Variants in TNRC18 observed in about 807,000 individuals in gnomAD.
TNRC18 encodes trinucleotide repeat containing 18.
Under a neutral mutation model 226.7 loss-of-function variants are expected in TNRC18, and 69 were observed. The ratio of observed to expected loss-of-function variants is 0.30; its 90% confidence interval spans 0.25 to 0.37. The LOEUF is 0.37. Ranked by LOEUF, TNRC18 falls within the 10% of genes least tolerant of loss-of-function variation. The pLI, the probability that TNRC18 is intolerant of heterozygous loss-of-function variation, is 1.00. For missense variants in TNRC18, 4,754 were observed against 4,256.6 expected, an observed-to-expected ratio of 1.12 and a Z score of -3.25; for synonymous variants, 2,449 against 1,927.6, an observed-to-expected ratio of 1.27 and a Z score of -7.09.
At chr7:5,325,551 GTAGCTGGGA>G in intron 19 of TNRC18, 1 of 323,286 alleles carries the variant, frequency 3.1e-6, no homozygotes, top group Non-Finnish European at 5.7e-6. Context: ...AGCCTCCCGA[GTAGCTGGGA>G]CTACAGGCAC....
chr7:5,370,321 A>G, intron 11 of TNRC18, 54 bp downstream of exon 11: 2 of 1,494,908 alleles, frequency 1.3e-6, no homozygotes, highest in South Asian at 2.6e-5. Context: ...AGACCCCATC[A>G]CCACAAAACT....
intron 2 of TNRC18, chr7:5,407,311 C>T (rs1306339729): frequency 2.0e-5 from 3 of 152,476 alleles, no homozygotes; most frequent in Admixed American, 6.5e-5. Flanking sequence ...GCAGTAGCCA[C>T]CAGCCCAGAT....
intron 18 of TNRC18, among the ~76,000 whole-genome samples, chr7:5,337,464 A>G (rs1462966059): frequency 6.9e-6 from 1 of 145,436 alleles, no homozygotes; most frequent in Non-Finnish European, 1.5e-5. Flanking sequence ...AGCCTGGGTG[A>G]CAGAGTGAGA....
intron 24 of TNRC18, among the ~76,000 whole-genome samples, chr7:5,316,746 G>A (rs998678223): frequency 2.0e-5 from 3 of 152,220 alleles, no homozygotes; most frequent in African/African-American, 7.2e-5. Context: ...GTGGGAGACC[G>A]TGGCATTTCC....
Position 5,329,721 on chromosome 7 carries a change from T to A in TNRC18, c.6147+2901A>T, listed in dbSNP as rs924565429. 2.0e-5 allele frequency among the ~76,000 whole-genome samples: 3 copies of A among 148,110 alleles called. No individual in the cohort carries two copies. In the East Asian group the frequency reaches 5.9e-4, roughly 29 times the overall value. On this transcript the variant is annotated intron_variant, in intron 19 of 29. Transcript: ENST00000430969. ...AAAAAAAAAAAAGGATAGCTATCTGTCCAAGGTTACAGCAGGGAATGATCA... is the reference window on the plus strand; with the variant it reads ...AAAAAAAAAAAAGGATAGCTATCTGACCAAGGTTACAGCAGGGAATGATCA...
intron 3 of TNRC18, 26 bp from the exon 4 acceptor site, chr7:5,390,654 G>T (rs202001735): frequency 1.1e-4 from 169 of 1,493,720 alleles, no homozygotes; most frequent in Non-Finnish European, 9.8e-6. Flanking sequence ...GAAAAGCTGG[G>T]CTGGGCCAAT....
chr7:5,416,180 C>A (rs1291221555), intron 2 of TNRC18, among the ~76,000 whole-genome samples: 1 of 150,750 alleles, frequency 6.6e-6, no homozygotes, highest in Non-Finnish European at 1.5e-5. Flanking sequence ...TTTGGGAGGC[C>A]GAGGCGGGTG....
At chr7:5,375,324 A>C (rs910837597) in intron 9 of TNRC18, among the ~76,000 whole-genome samples, 2 of 151,434 alleles carry the variant, frequency 1.3e-5, no homozygotes, top group African/African-American at 2.4e-5. Context: ...AACAACAAAA[A>C]CAAACAAACA....
At chr7:5,316,697 C>T (rs116381194) in intron 24 of TNRC18, among the ~76,000 whole-genome samples, 314 of 152,280 alleles carry the variant, frequency 2.1e-3, no homozygotes, top group African/African-American at 6.5e-3. Flanking sequence ...CAGGTGTCAA[C>T]CCTGAAGGAC....
At chr7:5,356,243 G>C (rs1016906724) in intron 16 of TNRC18, among the ~76,000 whole-genome samples, 1 of 151,446 alleles carries the variant, frequency 6.6e-6, no homozygotes. Flanking sequence ...TAGGTGGGTC[G>C]GGCCGAACCA....
intron 5 of TNRC18, among the ~76,000 whole-genome samples, chr7:5,383,102 A>G (rs1779512849): frequency 6.6e-6 from 1 of 151,760 alleles, no homozygotes. Context: ...GGGTTTCACT[A>G]TGTTGCCTAG....
At chr7:5,325,918 G>C (rs1470906437) in intron 19 of TNRC18, among the ~76,000 whole-genome samples, 9 of 151,248 alleles carry the variant, frequency 6.0e-5, no homozygotes, top group Non-Finnish European at 1.2e-4. Flanking sequence ...TATTTTTTTA[G>C]AGACAGGGTC....
intron 29 of TNRC18, 31 bp downstream of exon 29, chr7:5,308,843 AC>A: frequency 1.2e-6 from 1 of 835,958 alleles, no homozygotes; most frequent in Non-Finnish European, 1.9e-6. Flanking sequence ...GCCATCCCCA[AC>A]CCGCCCACCA....
intron 3 of TNRC18, 97 bp from the exon 4 acceptor site, chr7:5,390,725 C>T: frequency 7.2e-7 from 1 of 1,389,616 alleles, no homozygotes. Flanking sequence ...TGGCAGCCGA[C>T]CGCTGGTACA....
Position 5,389,074 on chromosome 7 carries a change from G to A in TNRC18, c.750C>T (p.Arg250=), listed in dbSNP as rs1247636425. 2 of 1,280,238 alleles carry A rather than the reference G, an allele frequency of 1.6e-6. No homozygotes were observed. The allele number at this position is 1,280,238 out of a possible 1,614,324, so 79.3% of individuals were successfully genotyped here. Residue 250 remains arginine (R), a synonymous_variant, in exon 5 of 30, where the codon CGC becomes CGT. Transcript: ENST00000430969. ...CCAGGCGCGGGGGCCCCCGGTCCTG[G>A]CGGCCCTCGGCGCGCGCCTCCTGGG... is the stretch of plus-strand genomic sequence containing the variant. ...DLTQEARAEG[R]QDRGPPRLAE...
At position 5,376,234 on chromosome 7, in the gene TNRC18, CAG is replaced by C. The variant is rs1197218458; in HGVS notation, c.2609-12_2609-11del. The C allele has an allele frequency of 2.7e-6, 4 of 1,483,306 alleles. No individual in the cohort carries two copies. The highest frequency in any genetic ancestry group is 1.4e-5 in the African/African-American group (1 of 71,098). The allele number at this position is 1,483,306 out of a possible 1,614,324, so 91.9% of individuals were successfully genotyped here. On this transcript the variant is annotated splice_polypyrimidine_tract_variant and intron_variant, in intron 8 of 29. Coordinates refer to ENST00000430969, the MANE Select transcript of TNRC18 (RefSeq NM_001080495.3). ...CGCTCCATCAGCTCCGCTGCAGGGA[CAG>C]AGACAGTGCGCTGCACCTGCGGCCT...
At chr7:5,314,078 T>C (rs1340784985) in intron 26 of TNRC18, among the ~76,000 whole-genome samples, 2 of 151,804 alleles carry the variant, frequency 1.3e-5, no homozygotes, top group African/African-American at 4.8e-5. Flanking sequence ...CCAGCCTCAG[T>C]CTCCCAAGTA....
At chr7:5,365,546 G>A (rs1199983496) in intron 11 of TNRC18, among the ~76,000 whole-genome samples, 1 of 152,012 alleles carries the variant, frequency 6.6e-6, no homozygotes, top group Non-Finnish European at 1.5e-5. Flanking sequence ...CTCCAGGAAG[G>A]GTGCTCCAAC....
intron 5 of TNRC18, among the ~76,000 whole-genome samples, chr7:5,384,749 C>T (rs1171882429): frequency 6.6e-6 from 1 of 152,204 alleles, no homozygotes; most frequent in Non-Finnish European, 1.5e-5. Context: ...TGGCCACCTC[C>T]AATCCAAGCG....
Sources: gnomAD v4.1 joint callset for allele counts (sites outside exome capture counted in the v4.1 genomes callset) on GRCh38, gnomAD v4.1.1 for gene constraint, MANE v1.5 for transcripts, NCBI Gene and HGNC (gene_info 2026-07-23, HGNC 2026-07-21) for gene names.